SARAF: variants seen among roughly 807,000 people sequenced by gnomAD.
SARAF encodes the protein store-operated calcium entry-associated regulatory factor.
In SARAF, 23 loss-of-function variants were observed where a neutral mutation model predicts 39.7. The ratio of observed to expected loss-of-function variants is 0.58; its 90% CI spans 0.42 to 0.82. SARAF has a LOEUF of 0.82. SARAF is among the 40% of genes least tolerant of loss of function. The pLI, the probability that SARAF is intolerant of heterozygous loss-of-function variation, is 0.00. For synonymous variants in SARAF, 175 were observed against 168.5 expected, an observed-to-expected ratio of 1.04 and a Z score of -0.30; for missense variants, 384 against 418.5, an observed-to-expected ratio of 0.92 and a Z score of 0.72.
chr8:30,068,392 C>A (rs1243534110), intron 3 of SARAF, among the ~76,000 whole-genome samples: 1 of 152,212 alleles, frequency 6.6e-6, no homozygotes, highest in Non-Finnish European at 1.5e-5. Flanking sequence ...TGTGTCCCAT[C>A]ACCCCCAGAT....
chr8:30,068,417 G>T (rs1044424393), intron 3 of SARAF, among the ~76,000 whole-genome samples: 6 of 152,186 alleles, frequency 3.9e-5, no homozygotes, highest in African/African-American at 1.2e-4. Flanking sequence ...CCATCCAGTT[G>T]CAGGAAAACA....
chr8:30,075,996 AAAAAAAAAC>A (rs1801954219), intron 1 of SARAF, among the ~76,000 whole-genome samples: 2 of 145,706 alleles, frequency 1.4e-5, no homozygotes, highest in African/African-American at 2.6e-5. Flanking sequence ...AAAAACAAAA[AAAAAAAAAC>A]AAAAAACGGG....
intron 1 of SARAF, among the ~76,000 whole-genome samples, chr8:30,077,192 A>T (rs888419498): frequency 1.3e-5 from 2 of 152,248 alleles, no homozygotes; most frequent in African/African-American, 2.4e-5. Context: ...GCAGTGGCTC[A>T]TGCCTGTAAT....
chr8:30,064,342 A>C (rs1055131694), intron 5 of SARAF, among the ~76,000 whole-genome samples: 3 of 151,874 alleles, frequency 2.0e-5, no homozygotes, highest in Admixed American at 6.6e-5. Context: ...CACTGTGCGC[A>C]CACACACAGG....
In SARAF at chr8:30,063,495, T is replaced by C; in HGVS notation, c.*393A>G. 1 of 201,320 alleles carries C rather than the reference T, an allele frequency of 5.0e-6. No individual in the cohort carries two copies. 12.5% of individuals were successfully genotyped at this position (201,320 alleles called of 1,614,324 possible). A position where few individuals can be genotyped will look rare whatever the true frequency, so the allele number is the denominator to read the frequency against. On this transcript the variant is annotated 3_prime_UTR_variant, in exon 6 of 6. Coordinates refer to ENST00000256255, the MANE Select transcript of SARAF (RefSeq NM_016127.6). ...TAATACCAAATAGAATATTATAGTC[T>C]CTATGAGGTAATAACTCATCAGCTA...
intron 1 of SARAF, 116 bp from the exon 2 acceptor site, chr8:30,074,171 T>A: frequency 9.1e-7 from 1 of 1,104,128 alleles, no homozygotes; most frequent in Non-Finnish European, 1.3e-6. Context: ...TGAGGATGGC[T>A]AAGAGAGGAT....
Position 30,071,484 on chromosome 8 carries a change from A to C in SARAF, c.283-1425T>G, listed in dbSNP as rs775635394. On this transcript the variant is annotated intron_variant, in intron 2 of 5. Coordinates refer to ENST00000256255, the MANE Select transcript of SARAF (RefSeq NM_016127.6). ...CTTCATTTATAATAGCCTTATTGAA[A>C]TATAATTCACACATACCATACAATT... Among the ~76,000 whole-genome samples the C allele has an allele frequency of 2.0e-5, 3 of 152,258 alleles. No homozygotes were observed. The South Asian group carries it at 6.2e-4, about 32-fold the overall frequency.
intron 1 of SARAF, among the ~76,000 whole-genome samples, chr8:30,082,016 G>A (rs929515112): frequency 1.8e-4 from 27 of 152,146 alleles, no homozygotes; most frequent in Non-Finnish European, 2.6e-4. Context: ...GCCGCGCGAT[G>A]TACATCACTG....
intron 5 of SARAF, 84 bp downstream of exon 5, chr8:30,065,904 A>G: frequency 6.5e-7 from 1 of 1,534,326 alleles, no homozygotes; most frequent in Non-Finnish European, 9.0e-7. Context: ...CATGGTTGCT[A>G]AACAGATAAT....
At chr8:30,081,375 G>C (rs1017583429) in intron 1 of SARAF, among the ~76,000 whole-genome samples, 6 of 151,924 alleles carry the variant, frequency 3.9e-5, no homozygotes, top group Admixed American at 3.3e-4. Flanking sequence ...ATTTATTTAC[G>C]AACTGATTCA....
rs745493740 is a variant in SARAF at position 30,066,778 on chromosome 8, T to C, written c.841A>G (p.Arg281Gly). The stretch of plus-strand genomic sequence containing the variant: ...GTGAGATCAATGCAAAAAGCTTACC[T>C]ATTGCTGCCAAACAAATATCCTAGT... Reference protein sequence around the residue: ...GILGYLFGSNRAATPFSDSWY... With the variant: ...GILGYLFGSNGAATPFSDSWY... Residue 281 changes from arginine to glycine, a missense_variant and splice_region_variant, in exon 4 of 6, where the codon AGA (arginine) becomes GGA (glycine). Coordinates refer to ENST00000256255, the MANE Select transcript of SARAF (RefSeq NM_016127.6). The C allele has an allele frequency of 7.4e-6, 12 of 1,614,018 alleles. No homozygotes were observed. Among genetic ancestry groups the C allele is most frequent in the Non-Finnish European group, 9.3e-6 (11 of 1,180,010 alleles).
At chr8:30,074,084 AAAGT>A (rs1801905426) in intron 1 of SARAF, 29 bp from the exon 2 acceptor site, 5 of 1,601,028 alleles carry the variant, frequency 3.1e-6, no homozygotes, top group Non-Finnish European at 3.4e-6. Flanking sequence ...AGAGGAACAC[AAAGT>A]AAGTATCGTG....
intron 1 of SARAF, among the ~76,000 whole-genome samples, chr8:30,077,433 T>G (rs1432099175): frequency 6.7e-6 from 1 of 149,266 alleles, no homozygotes; most frequent in East Asian, 2.0e-4. Context: ...GGTGATAGAG[T>G]GAGACCCTGT....
Position 30,066,901 on chromosome 8 carries a change from G to A in SARAF, c.718C>T (p.His240Tyr), listed in dbSNP as rs1585433653. ...CTGCCAAAACCAGAAGTTGCACCAT[G>A]GCCAGTATTCTGTGGTCCTTAAAAT... is the stretch of plus-strand genomic sequence containing the variant. ...SEFTGPQNTGHGATSGFGSAF... is the reference protein window; with the variant it reads ...SEFTGPQNTGYGATSGFGSAF... Residue 240 changes from histidine to tyrosine, a missense_variant, in exon 4 of 6, where the codon CAT becomes TAT. Coordinates refer to ENST00000256255, the MANE Select transcript of SARAF (RefSeq NM_016127.6). The A allele has an allele frequency of 3.1e-6, 5 of 1,614,044 alleles. No homozygotes were observed. In the East Asian group the frequency reaches 1.1e-4, roughly 36 times the overall value.
intron 1 of SARAF, among the ~76,000 whole-genome samples, chr8:30,082,589 C>A (rs1431695682): frequency 6.6e-6 from 1 of 152,206 alleles, no homozygotes; most frequent in Non-Finnish European, 1.5e-5. Flanking sequence ...TTCCGGGAGT[C>A]CGGGGCAGGG....
At chr8:30,083,098 G>T, upstream of SARAF, 1 of 559,240 alleles carries the variant, frequency 1.8e-6, no homozygotes, top group Non-Finnish European at 3.0e-6. Context: ...CAACGGATCC[G>T]TGCGCCAACC....
intron 1 of SARAF, among the ~76,000 whole-genome samples, chr8:30,075,872 G>A (rs1035561103): frequency 2.7e-5 from 4 of 150,768 alleles, no homozygotes; most frequent in Non-Finnish European, 5.9e-5. Flanking sequence ...AATTTTGGAA[G>A]GAGAAAGTAA....
At chr8:30,070,168 C>T (rs535117702) in intron 2 of SARAF, 109 bp from the exon 3 acceptor site, 21 of 995,498 alleles carry the variant, frequency 2.1e-5, no homozygotes, top group South Asian at 1.3e-4. Flanking sequence ...TCAGCACTTT[C>T]GGAGGCCAAG....
rs1200130891 is a variant in SARAF, at chr8:30,064,552, TATATA to T, written c.995-644_995-640del. Among the ~76,000 whole-genome samples, 29 of 28,574 alleles carry T rather than the reference TATATA, an allele frequency of 1.0e-3. 1 individual carries two copies. The highest frequency in any genetic ancestry group is 2.3e-3 in the Admixed American group (4 of 1,752). The allele number at this position is 28,574 out of a possible 152,430, so 18.7% of individuals were successfully genotyped here. On this transcript the variant is annotated intron_variant, in intron 5 of 5. Transcript: ENST00000256255. ...ACCTAGCCATATATATATATATATA[TATATA>T]TATATTTTTTTTTTTTTTTTTTGAG...
Sources: gnomAD v4.1 joint callset for allele counts (sites outside exome capture counted in the v4.1 genomes callset) on GRCh38, gnomAD v4.1.1 for gene constraint, MANE v1.5 for transcripts, NCBI Gene and HGNC (gene_info 2026-07-23, HGNC 2026-07-21) for gene names.